Variants in SLC8A1 observed in about 807,000 individuals in gnomAD.
SLC8A1 encodes sodium/calcium exchanger 1.
A neutral mutation model predicts 68.3 loss-of-function variants in SLC8A1; 18 were observed. The observed-to-expected ratio is 0.26, with a 90% CI of 0.18 to 0.39. The LOEUF (loss-of-function observed/expected upper bound fraction) is 0.39. Ranked by LOEUF, SLC8A1 falls within the 10% of genes least tolerant of loss-of-function variation. The probability of loss-of-function intolerance (pLI) is 1.00; values close to 1 mark genes in which losing one functional copy is unlikely to be tolerated. For synonymous variants in SLC8A1, 475 were observed against 415.5 expected (o/e 1.14, Z -1.74); for missense variants, 985 against 1,156.7 (o/e 0.85, Z 2.15).
At chr2:40,511,975 A>G (rs1706758626) in intron 1 of SLC8A1, among the ~76,000 whole-genome samples, 1 of 152,090 alleles carries the variant, frequency 6.6e-6, no homozygotes, top group African/African-American at 2.4e-5. Flanking sequence ...GACAAATCCC[A>G]CCTACCCTAG....
chr2:40,376,472 T>C (rs1189718029), intron 2 of SLC8A1, among the ~76,000 whole-genome samples: 2 of 152,056 alleles, frequency 1.3e-5, no homozygotes, highest in African/African-American at 4.8e-5. Context: ...AAATAGACAT[T>C]GTAAATCTGA....
chr2:40,207,605 A>G (rs1053752678), intron 2 of SLC8A1, among the ~76,000 whole-genome samples: 1 of 151,788 alleles, frequency 6.6e-6, no homozygotes, highest in African/African-American at 2.4e-5. Context: ...TTTATATTAA[A>G]CAAATCCACA....
intron 2 of SLC8A1, among the ~76,000 whole-genome samples, chr2:40,181,969 A>G (rs1450093812): frequency 6.6e-6 from 1 of 152,116 alleles, no homozygotes; most frequent in Non-Finnish European, 1.5e-5. Flanking sequence ...CATGTTCCTC[A>G]CAGTTCTGCA....
chr2:40,323,153 C>T (rs192794923), intron 2 of SLC8A1, among the ~76,000 whole-genome samples: 135 of 152,050 alleles, frequency 8.9e-4, no homozygotes, highest in Non-Finnish European at 1.4e-3. Flanking sequence ...CTTTTGTTCT[C>T]GAGCTTCCAG....
At chr2:40,302,326 CT>C (rs1432933103) in intron 2 of SLC8A1, among the ~76,000 whole-genome samples, 1 of 151,724 alleles carries the variant, frequency 6.6e-6, no homozygotes, top group East Asian at 1.9e-4. Flanking sequence ...AACATATGAT[CT>C]TTGGTTTTCT....
At chr2:40,437,921 C>G (rs1004877332) in intron 1 of SLC8A1, among the ~76,000 whole-genome samples, 1 of 152,126 alleles carries the variant, frequency 6.6e-6, no homozygotes, top group Non-Finnish European at 1.5e-5. Flanking sequence ...GAGTGAGTCC[C>G]TTCTGTGGAA....
chr2:40,501,091 C>T (rs1032561265), intron 1 of SLC8A1, among the ~76,000 whole-genome samples: 33 of 152,062 alleles, frequency 2.2e-4, no homozygotes, highest in African/African-American at 5.5e-4. Flanking sequence ...CTTTCCTTTG[C>T]TGCATTTTTC....
At position 40,273,455 on chromosome 2, in the gene SLC8A1, A is replaced by C. The variant is rs76228474; in HGVS notation, c.1809-95600T>G. Among the ~76,000 whole-genome samples the C allele has an allele frequency of 3.6e-4, 55 of 152,282 alleles. 1 individual carries two copies. In the East Asian group the frequency reaches 0.01, roughly 29 times the overall value. ...CTAAGATGAAGCTTCCTACGAATGG[A>C]TGAGTCAAGAAAAAGCTACACAAAG... On this transcript the variant is annotated intron_variant, in intron 2 of 7. Coordinates refer to ENST00000406785, the Ensembl canonical transcript of SLC8A1.
chr2:40,464,693 G>T (rs1158006765), intron 1 of SLC8A1, among the ~76,000 whole-genome samples: 1 of 152,082 alleles, frequency 6.6e-6, no homozygotes, highest in East Asian at 1.9e-4. Context: ...ATGTGGTGGG[G>T]GCATGACATT....
rs999242577 is a variant in SLC8A1, at chr2:40,504,256, T to C, written c.-25+8093A>G. On this transcript the variant is annotated intron_variant, in intron 1 of 7. Transcript: ENST00000402441. ...GGCCTAGGAAAACTGAATATCCATATGTAGAAGAATGAAACTGGACCTCTG... is the reference window on the plus strand; with the variant it reads ...GGCCTAGGAAAACTGAATATCCATACGTAGAAGAATGAAACTGGACCTCTG... Among the ~76,000 whole-genome samples the C allele has an allele frequency of 3.9e-5, 6 of 151,954 alleles. 1 individual carries two copies. Among genetic ancestry groups the C allele is most frequent in the South Asian group, 2.1e-4 (1 of 4,830 alleles).
chr2:40,291,904 T>G (rs2069401053), intron 2 of SLC8A1, among the ~76,000 whole-genome samples: 1 of 110,400 alleles, frequency 9.1e-6, no homozygotes, highest in Non-Finnish European at 1.7e-5. Flanking sequence ...ACATCTTTAC[T>G]TTTTTTTTTT....
chr2:40,242,163 A>G (rs2061312756), intron 2 of SLC8A1, among the ~76,000 whole-genome samples: 1 of 151,922 alleles, frequency 6.6e-6, no homozygotes, highest in South Asian at 2.1e-4. Flanking sequence ...TGTGTGTGAG[A>G]GAGAGACAGA....
chr2:40,480,983 T>G (rs1425658183), intron 1 of SLC8A1, among the ~76,000 whole-genome samples: 3 of 152,240 alleles, frequency 2.0e-5, no homozygotes, highest in Non-Finnish European at 4.4e-5. Context: ...ACCTTTTAAT[T>G]ATAATGATAT....
intron 6 of SLC8A1, among the ~76,000 whole-genome samples, chr2:40,151,481 C>T (rs942337143): frequency 2.0e-4 from 30 of 152,106 alleles, no homozygotes; most frequent in African/African-American, 7.0e-4. Flanking sequence ...ATGAACAGGG[C>T]AGATTTGCGG....
chr2:40,399,102 T>A (rs1687892690), intron 2 of SLC8A1, among the ~76,000 whole-genome samples: 1 of 152,214 alleles, frequency 6.6e-6, no homozygotes, highest in African/African-American at 2.4e-5. Context: ...ATTTTCATGG[T>A]CATATAAGAG....
chr2:40,256,223 C>A (rs2063896174), intron 2 of SLC8A1, among the ~76,000 whole-genome samples: 1 of 152,188 alleles, frequency 6.6e-6, no homozygotes, highest in South Asian at 2.1e-4. Context: ...ATGACGTCAA[C>A]ACACTCTTAA....
chr2:40,426,620 T>A (rs1696920175), intron 2 of SLC8A1, among the ~76,000 whole-genome samples: 1 of 152,038 alleles, frequency 6.6e-6, no homozygotes, highest in Non-Finnish European at 1.5e-5. Flanking sequence ...TAAACCAGTA[T>A]AGAGTCCTTA....
chr2:40,210,713 A>G (rs928916516), intron 2 of SLC8A1, among the ~76,000 whole-genome samples: 5 of 152,176 alleles, frequency 3.3e-5, no homozygotes, highest in Non-Finnish European at 7.3e-5. Context: ...TAATTGAAGC[A>G]CTTATTGTCA....
At chr2:40,348,740 C>T (rs923972755) in intron 2 of SLC8A1, among the ~76,000 whole-genome samples, 2 of 151,890 alleles carry the variant, frequency 1.3e-5, no homozygotes, top group Admixed American at 6.6e-5. Flanking sequence ...CATGTCTTGC[C>T]CTTAATGACT....
Sources: gnomAD v4.1 joint callset for allele counts (sites outside exome capture counted in the v4.1 genomes callset) on GRCh38, gnomAD v4.1.1 for gene constraint, MANE v1.5 for transcripts, NCBI Gene and HGNC (gene_info 2026-07-23, HGNC 2026-07-21) for gene names.